Variants in CYP4V2 observed in about 807,000 individuals in gnomAD.
CYP4V2 encodes the protein cytochrome P450 4V2.
CYP4V2 carries 55 observed loss-of-function variants against 60.8 expected under a neutral mutation model. That is an observed-to-expected ratio of 0.90 (90% CI 0.73 to 1.13). The LOEUF (loss-of-function observed/expected upper bound fraction) is 1.13. Among genes scored for constraint, CYP4V2 ranks in the 50% most tolerant of loss-of-function variants. The probability of loss-of-function intolerance (pLI) is 0.00; values close to 1 mark genes in which losing one functional copy is unlikely to be tolerated. For missense variants in CYP4V2, 675 were observed against 662.9 expected (o/e 1.02, Z -0.20); for synonymous variants, 239 against 236.8 (o/e 1.01, Z -0.08).
intron 8 of CYP4V2, among the ~76,000 whole-genome samples, chr4:186,205,826 C>G (rs1736480350): frequency 6.6e-6 from 1 of 152,200 alleles, no homozygotes; most frequent in Admixed American, 6.5e-5. Flanking sequence ...CCATCCCTAC[C>G]ATCTTGGCTT....
chr4:186,206,693 G>A (rs1446193024), intron 8 of CYP4V2, among the ~76,000 whole-genome samples: 6 of 152,278 alleles, frequency 3.9e-5, no homozygotes, highest in Admixed American at 1.3e-4. Context: ...GTGAGAGACC[G>A]CGAGAACTCA....
intron 7 of CYP4V2, chr4:186,204,521 T>C (rs996543312): frequency 5.4e-6 from 1 of 184,914 alleles, no homozygotes; most frequent in Non-Finnish European, 1.2e-5. Flanking sequence ...TGGGCTCAGC[T>C]GGCTTTGTCA....
At chr4:186,194,410 A>G (rs1427974389) in intron 1 of CYP4V2, 90 bp from the exon 2 acceptor site, 1 of 1,081,624 alleles carries the variant, frequency 9.2e-7, no homozygotes, top group Non-Finnish European at 1.4e-6. Context: ...GAATTAGTAT[A>G]TTCATCAAAA....
intron 8 of CYP4V2, among the ~76,000 whole-genome samples, chr4:186,208,204 A>G (rs1382631928): frequency 2.0e-5 from 3 of 147,230 alleles, no homozygotes; most frequent in African/African-American, 7.5e-5. Flanking sequence ...GGTATTTAGC[A>G]TCCCCTGCCT....
intron 8 of CYP4V2, among the ~76,000 whole-genome samples, chr4:186,208,271 A>G (rs1043978763): frequency 6.8e-6 from 1 of 146,086 alleles, no homozygotes; most frequent in Non-Finnish European, 1.5e-5. Context: ...GGTATTTAGC[A>G]TCCCCTGCCT....
chr4:186,195,917 A>T lies in CYP4V2; in HGVS notation c.328-86A>T. ...AAATGTTGTGAATGCCCTAAAAACTAGCTGTATTCTAGCCAGTATTCCTAT... is the reference window on the plus strand; with the variant it reads ...AAATGTTGTGAATGCCCTAAAAACTTGCTGTATTCTAGCCAGTATTCCTAT... On this transcript the variant is annotated intron_variant, in intron 2 of 10. Coordinates refer to ENST00000378802, the MANE Select transcript of CYP4V2 (RefSeq NM_207352.4). This position sits in a 1 kb window ranked among gnomAD's most constrained non-coding sequence, Gnocchi z 4.1. 1.1e-6 allele frequency: 1 copy of T among 925,572 alleles called. No individual in the cohort carries two copies. The highest frequency in any genetic ancestry group is 1.8e-6 in the Non-Finnish European group (1 of 570,898). 57.3% of individuals were successfully genotyped at this position (925,572 alleles called of 1,614,324 possible).
chr4:186,197,292 C>A, intron 4 of CYP4V2, 162 bp downstream of exon 4: 2 of 947,602 alleles, frequency 2.1e-6, no homozygotes, highest in Non-Finnish European at 3.2e-6. Flanking sequence ...GCAGCAGCCA[C>A]GCCCAGGGCT....
At chr4:186,207,831 ACTTT>A (rs1233237079) in intron 8 of CYP4V2, among the ~76,000 whole-genome samples, 1 of 152,096 alleles carries the variant, frequency 6.6e-6, no homozygotes, top group Non-Finnish European at 1.5e-5. Context: ...CCTGTGATTT[ACTTT>A]CTGTCTCTCT....
At position 186,208,931 on chromosome 4, in the gene CYP4V2, A is replaced by G. The variant is rs199476200; in HGVS notation, c.1157A>G (p.Lys386Arg). 1 of 1,614,210 alleles carries G rather than the reference A, an allele frequency of 6.2e-7. No homozygotes were observed. Among genetic ancestry groups the G allele is most frequent in the South Asian group, 1.1e-5 (1 of 91,086 alleles). Residue 386 changes from lysine to arginine, a missense_variant, in exon 9 of 11, where the codon AAG becomes AGG. Coordinates refer to ENST00000378802, the MANE Select transcript of CYP4V2 (RefSeq NM_207352.4). Reference protein sequence around the residue: ...KKLRYLECVIKETLRLFPSVP... With the variant: ...KKLRYLECVIRETLRLFPSVP... ...CTTCGGTATCTGGAATGTGTTATTA[A>G]GGAGACCCTTCGCCTTTTTCCTTCT... is the stretch of plus-strand genomic sequence containing the variant.
intron 1 of CYP4V2, among the ~76,000 whole-genome samples, chr4:186,193,492 T>G (rs944463129): frequency 1.3e-5 from 2 of 152,216 alleles, no homozygotes; most frequent in Non-Finnish European, 2.9e-5. Flanking sequence ...ACTGTTCAAT[T>G]TCCAACACTA....
chr4:186,208,430 G>A (rs1027494198), intron 8 of CYP4V2, among the ~76,000 whole-genome samples: 2 of 151,520 alleles, frequency 1.3e-5, no homozygotes, highest in African/African-American at 4.9e-5. Flanking sequence ...CATTTGATGG[G>A]TATTTAGCAT....
intron 7 of CYP4V2, 68 bp downstream of exon 7, chr4:186,201,410 AT>A (rs1371457996): frequency 4.5e-6 from 7 of 1,544,666 alleles, no homozygotes; most frequent in Admixed American, 1.7e-5. Context: ...CTTTAGCATT[AT>A]TTTTTAAAAC....
rs1250509499 is a variant in CYP4V2 at position 186,213,447 on chromosome 4, T to C, written c.*2806T>C. ...GATTCATAATGGGTAATAAAATAAA[T>C]AGCACTTTCGAGCTGATGTCGTCAG... On this transcript the variant is annotated 3_prime_UTR_variant, in exon 11 of 11. Coordinates refer to ENST00000378802, the MANE Select transcript of CYP4V2 (RefSeq NM_207352.4). 6.6e-6 allele frequency: 1 copy of C among 152,232 alleles called. No individual in the cohort carries two copies. Among genetic ancestry groups the C allele is most frequent in the East Asian group, 1.9e-4 (1 of 5,202 alleles). The allele number at this position is 152,232 out of a possible 1,614,324, so 9.4% of individuals were successfully genotyped here. A position where few individuals can be genotyped will look rare whatever the true frequency, so the allele number is the denominator to read the frequency against.
In CYP4V2 at chr4:186,210,828, C is replaced by G. The variant is rs1177086244; in HGVS notation, c.*187C>G. On this transcript the variant is annotated 3_prime_UTR_variant, in exon 11 of 11. Coordinates refer to ENST00000378802, the MANE Select transcript of CYP4V2 (RefSeq NM_207352.4). The stretch of plus-strand genomic sequence containing the variant: ...TTTTGAGTTTTGTATTTTCTTTTTT[C>G]TTTTTTCTTTATTTTTTTTTTTTGA... 8.4e-6 allele frequency: 6 copies of G among 713,120 alleles called. No homozygotes were observed. The highest frequency in any genetic ancestry group is 1.3e-5 in the Non-Finnish European group (6 of 446,168). The allele number at this position is 713,120 out of a possible 1,614,324, so 44.2% of individuals were successfully genotyped here.
At chr4:186,206,283 G>A (rs1736500416) in intron 8 of CYP4V2, among the ~76,000 whole-genome samples, 1 of 152,150 alleles carries the variant, frequency 6.6e-6, no homozygotes, top group Admixed American at 6.5e-5. Flanking sequence ...TTGTGATGGC[G>A]TTCAGGGCTC....
chr4:186,205,998 A>C (rs1261352502), intron 8 of CYP4V2, among the ~76,000 whole-genome samples: 16 of 152,076 alleles, frequency 1.1e-4, no homozygotes, highest in Non-Finnish European at 1.5e-5. Context: ...ACAGTTCTGG[A>C]CACCCGAGTC....
rs1736720123 is a variant in CYP4V2, at chr4:186,211,515, T to C, written c.*874T>C. On this transcript the variant is annotated 3_prime_UTR_variant, in exon 11 of 11. Coordinates refer to ENST00000378802, the MANE Select transcript of CYP4V2 (RefSeq NM_207352.4). ...TTTTAGTAGAGATGGGGTTTCACCA[T>C]GTTGGCCAGGATGGTCTTGATCTCT... The C allele has an allele frequency of 6.6e-6, 1 of 152,106 alleles. No homozygotes were observed. Among genetic ancestry groups the C allele is most frequent in the Admixed American group, 6.5e-5 (1 of 15,268 alleles). 9.4% of individuals were successfully genotyped at this position (152,106 alleles called of 1,614,324 possible).
intron 5 of CYP4V2, among the ~76,000 whole-genome samples, chr4:186,198,721 G>A (rs1736224973): frequency 6.6e-6 from 1 of 152,150 alleles, no homozygotes; most frequent in Admixed American, 6.5e-5. Flanking sequence ...ATCTAGTAAG[G>A]ATGTTTTATA....
chr4:186,197,650 C>T, intron 5 of CYP4V2, 48 bp downstream of exon 5: 1 of 1,584,064 alleles, frequency 6.3e-7, no homozygotes, highest in Non-Finnish European at 8.7e-7. Flanking sequence ...TTGATTTAGG[C>T]TTTAAAAATT....
Sources: gnomAD v4.1 joint callset for allele counts (sites outside exome capture counted in the v4.1 genomes callset) on GRCh38, gnomAD v4.1.1 for gene constraint, Gnocchi (gnomAD v3.1) non-coding constraint, MANE v1.5 for transcripts, NCBI Gene and HGNC (gene_info 2026-07-23, HGNC 2026-07-21) for gene names.